The following CRYL1 variants were observed in gnomAD, a reference collection of about 807,000 sequenced individuals.
CRYL1 encodes the protein crystallin lambda 1.
Under a neutral mutation model 36.6 loss-of-function variants are expected in CRYL1, and 29 were observed. The observed-to-expected ratio is 0.79, with a 90% CI of 0.59 to 1.08. The LOEUF (loss-of-function observed/expected upper bound fraction) is 1.08, where lower values mean the gene tolerates loss of function less well. Among genes scored for constraint, CRYL1 ranks in the 50% least tolerant of loss-of-function variants. CRYL1 has a pLI of 0.00. For missense variants in CRYL1, 411 were observed against 407.9 expected (o/e 1.01, Z -0.06); for synonymous variants, 152 against 151.5 (o/e 1.00, Z -0.02).
chr13:20,489,792 G>A (rs183076254), intron 2 of CRYL1, among the ~76,000 whole-genome samples: 6 of 152,254 alleles, frequency 3.9e-5, no homozygotes, highest in African/African-American at 1.4e-4. Context: ...CAACTTCTGG[G>A]TATAAACCCA....
In CRYL1 at chr13:20,435,093, G is replaced by A. The variant is rs543482944; in HGVS notation, c.439-2797C>T. On this transcript the variant is annotated intron_variant, in intron 4 of 7. Transcript: ENST00000298248. This position sits in a 1 kb window ranked among gnomAD's most constrained non-coding sequence, Gnocchi z 4.0. ...GTGGAAAGTTAGTGTTTCATGGGTA[G>A]GAGGTTCAGTCTTATAAGAGGAGAA... 9.0e-4 allele frequency among the ~76,000 whole-genome samples: 137 copies of A among 152,260 alleles called. No individual in the cohort carries two copies. The highest frequency in any genetic ancestry group is 1.5e-3 in the Non-Finnish European group (100 of 68,014).
intron 2 of CRYL1, among the ~76,000 whole-genome samples, chr13:20,507,302 A>C (rs1273105267): frequency 6.6e-6 from 1 of 152,216 alleles, no homozygotes; most frequent in East Asian, 1.9e-4. Flanking sequence ...TTAATCCATA[A>C]AGTTTTATTG....
At chr13:20,429,611 C>T (rs1188960423) in intron 5 of CRYL1, among the ~76,000 whole-genome samples, 1 of 152,194 alleles carries the variant, frequency 6.6e-6, no homozygotes, top group Admixed American at 6.5e-5. Context: ...CCAGCACAAT[C>T]ACGGTAGGCA....
chr13:20,509,155 T>C (rs1284040369), intron 2 of CRYL1, among the ~76,000 whole-genome samples: 2 of 150,592 alleles, frequency 1.3e-5, no homozygotes, highest in Non-Finnish European at 3.0e-5. Flanking sequence ...GATCGCGCCA[T>C]TGCACTCCAG....
chr13:20,518,521 G>A (rs562449951), intron 1 of CRYL1, among the ~76,000 whole-genome samples: 5 of 152,226 alleles, frequency 3.3e-5, no homozygotes, highest in African/African-American at 9.6e-5. Context: ...AGGAGAGAAC[G>A]GTGAGCTCAT....
At chr13:20,417,973 T>C (rs2031711508) in intron 5 of CRYL1, among the ~76,000 whole-genome samples, 1 of 152,188 alleles carries the variant, frequency 6.6e-6, no homozygotes, top group Admixed American at 6.5e-5. Context: ...AATTGGCTCA[T>C]GTGACTGTGG....
chr13:20,485,777 C>G (rs1419223553), intron 3 of CRYL1, among the ~76,000 whole-genome samples: 4 of 152,162 alleles, frequency 2.6e-5, no homozygotes, highest in African/African-American at 9.7e-5. Flanking sequence ...TTTTCTTACT[C>G]ATCTTTCCTT....
At chr13:20,497,431 C>A (rs796828071) in intron 2 of CRYL1, among the ~76,000 whole-genome samples, 52 of 24,136 alleles carry the variant, frequency 2.2e-3, no homozygotes, top group African/African-American at 4.5e-3. Context: ...CACACACCAC[C>A]ATACACACAA....
At chr13:20,417,237 C>T (rs574738062) in intron 5 of CRYL1, among the ~76,000 whole-genome samples, 71 of 152,294 alleles carry the variant, frequency 4.7e-4, no homozygotes, top group African/African-American at 1.6e-3. Context: ...TGCCACTGAG[C>T]TTAATTCCAC....
At chr13:20,496,868 G>A (rs1338951129) in intron 2 of CRYL1, among the ~76,000 whole-genome samples, 2 of 146,310 alleles carry the variant, frequency 1.4e-5, no homozygotes, top group Non-Finnish European at 3.0e-5. Context: ...AAAAGTGTAG[G>A]CCCACAAGGT....
At chr13:20,516,131 C>T (rs1471685500) in intron 1 of CRYL1, among the ~76,000 whole-genome samples, 3 of 119,656 alleles carry the variant, frequency 2.5e-5, no homozygotes, top group Non-Finnish European at 4.8e-5. Context: ...GAGGAGGTTG[C>T]GGTGAGCCAA....
At chr13:20,482,466 A>C (rs1278687227) in intron 3 of CRYL1, among the ~76,000 whole-genome samples, 1 of 152,218 alleles carries the variant, frequency 6.6e-6, no homozygotes, top group Non-Finnish European at 1.5e-5. Flanking sequence ...TTTTCAGAGT[A>C]AACTTATTTT....
intron 3 of CRYL1, among the ~76,000 whole-genome samples, chr13:20,448,177 T>C (rs892789792): frequency 6.6e-6 from 1 of 152,172 alleles, no homozygotes; most frequent in African/African-American, 2.4e-5. Context: ...GGTTCATCAG[T>C]AGACTCAACA....
At chr13:20,462,931 G>A (rs2032861160) in intron 3 of CRYL1, among the ~76,000 whole-genome samples, 1 of 152,124 alleles carries the variant, frequency 6.6e-6, no homozygotes, top group Non-Finnish European at 1.5e-5. Context: ...AACAGTACCT[G>A]GTACGCAGCA....
At chr13:20,414,256 TG>T (rs758448412) in intron 5 of CRYL1, among the ~76,000 whole-genome samples, 72 of 128,572 alleles carry the variant, frequency 5.6e-4, no homozygotes, top group African/African-American at 2.0e-3. Context: ...AGAGATTTTT[TG>T]TGTGTGTGTG....
intron 6 of CRYL1, among the ~76,000 whole-genome samples, chr13:20,408,168 G>A (rs1267459017): frequency 1.3e-5 from 2 of 152,168 alleles, no homozygotes; most frequent in Non-Finnish European, 2.9e-5. Flanking sequence ...TCCCACCTGA[G>A]TGAGGACTTG....
chr13:20,453,125 A>C (rs2032606508), intron 3 of CRYL1, among the ~76,000 whole-genome samples: 1 of 152,234 alleles, frequency 6.6e-6, no homozygotes, highest in African/African-American at 2.4e-5. Flanking sequence ...CTTGACATTC[A>C]GAGACCTCTC....
At chr13:20,436,724 G>A (rs1279206484) in intron 4 of CRYL1, among the ~76,000 whole-genome samples, 1 of 152,210 alleles carries the variant, frequency 6.6e-6, no homozygotes, top group Non-Finnish European at 1.5e-5. Flanking sequence ...GAGGGTTGCA[G>A]GCTTCTCTGT....
In CRYL1 at chr13:20,512,542, A is replaced by T. The variant is rs199943911; in HGVS notation, c.50T>A (p.Ile17Asn). The change falls in exon 2 of 8, where the codon ATT (isoleucine) becomes AAT (asparagine). Residue 17 changes from isoleucine to asparagine, a missense_variant. Transcript: ENST00000298248. ...GCVVIVGSGV[I>N]GRSWAMLFAS... ...AAACAGCATGGCCCAGCTTCGCCCA[A>T]TGACTCCACTGAAGGGAGATAAAAG... is the stretch of plus-strand genomic sequence containing the variant. 6.2e-7 allele frequency: 1 copy of T among 1,612,808 alleles called. No homozygotes were observed. Among genetic ancestry groups the T allele is most frequent in the Non-Finnish European group, 8.5e-7 (1 of 1,178,880 alleles).
Sources: gnomAD v4.1 joint callset for allele counts (sites outside exome capture counted in the v4.1 genomes callset) on GRCh38, gnomAD v4.1.1 for gene constraint, Gnocchi (gnomAD v3.1) non-coding constraint, MANE v1.5 for transcripts, NCBI Gene and HGNC (gene_info 2026-07-23, HGNC 2026-07-21) for gene names.